The following ATP6V0D2 variants were observed in gnomAD, a reference collection of about 807,000 sequenced individuals.
ATP6V0D2 encodes ATPase H+ transporting V0 subunit d2.
In ATP6V0D2, 40 loss-of-function variants were observed where a neutral mutation model predicts 40.0. That is an observed-to-expected ratio of 1.00 (90% CI 0.78 to 1.30). The LOEUF is 1.30. Among genes scored for constraint, ATP6V0D2 ranks in the 50% most tolerant of loss-of-function variants. The pLI, the probability that ATP6V0D2 is intolerant of heterozygous loss-of-function variation, is 0.00. For missense variants in ATP6V0D2, 470 were observed against 423.1 expected (o/e 1.11, Z -0.97); for synonymous variants, 179 against 156.3 (o/e 1.15, Z -1.08).
intron 1 of ATP6V0D2, among the ~76,000 whole-genome samples, chr8:86,111,977 T>C (rs1200667490): frequency 2.6e-5 from 4 of 152,234 alleles, no homozygotes; most frequent in Non-Finnish European, 5.9e-5. Context: ...ATATTTCTGG[T>C]CTATCTTTGG....
intron 1 of ATP6V0D2, among the ~76,000 whole-genome samples, chr8:86,103,638 T>C (rs1182907171): frequency 6.6e-6 from 1 of 152,074 alleles, no homozygotes; most frequent in Non-Finnish European, 1.5e-5. Flanking sequence ...ATAGAGTCCC[T>C]GCCCTAAAAA....
At chr8:86,102,139 A>G (rs1482872063) in intron 1 of ATP6V0D2, among the ~76,000 whole-genome samples, 24 of 152,172 alleles carry the variant, frequency 1.6e-4, no homozygotes, top group Non-Finnish European at 5.9e-5. Flanking sequence ...TATAAATTGA[A>G]GATATATGAA....
chr8:86,148,714 A>T (rs767567716), intron 5 of ATP6V0D2, among the ~76,000 whole-genome samples: 31 of 152,130 alleles, frequency 2.0e-4, no homozygotes, highest in Admixed American at 1.4e-3. Flanking sequence ...GTAGGATCAC[A>T]CATCACTCTG....
chr8:86,145,253 GAGAGAAAGAAAGAAAGAA>G (rs1410876166), intron 5 of ATP6V0D2, among the ~76,000 whole-genome samples: 3 of 45,044 alleles, frequency 6.7e-5, no homozygotes, highest in African/African-American at 4.0e-4. Flanking sequence ...GAGAGAGAGA[GAGAGAAAGAAAGAAAGAA>G]AGAAAGAAAG....
chr8:86,108,881 G>T (rs1290378189), intron 1 of ATP6V0D2, among the ~76,000 whole-genome samples: 1 of 152,128 alleles, frequency 6.6e-6, no homozygotes, highest in African/African-American at 2.4e-5. Flanking sequence ...TTATGACTCA[G>T]TGCATACATT....
At chr8:86,106,843 T>A (rs1818474506) in intron 1 of ATP6V0D2, among the ~76,000 whole-genome samples, 4 of 152,132 alleles carry the variant, frequency 2.6e-5, no homozygotes, top group African/African-American at 9.7e-5. Context: ...CTCATTTATG[T>A]GGCAAAAAAA....
Position 86,099,724 on chromosome 8 carries a change from C to A in ATP6V0D2, c.130+616C>A, listed in dbSNP as rs202155320. On this transcript the variant is annotated intron_variant, in intron 1 of 7. Coordinates refer to ENST00000285393, the MANE Select transcript of ATP6V0D2 (RefSeq NM_152565.1). The stretch of plus-strand genomic sequence containing the variant: ...GGCCAGGCTGGTCTTGAACTCCTGA[C>A]CTCAGGTGATCCGACTGCCTTGGCC... 2.6e-5 allele frequency among the ~76,000 whole-genome samples: 4 copies of A among 152,158 alleles called. No homozygotes were observed. In the East Asian group the frequency reaches 7.7e-4, roughly 29 times the overall value.
At chr8:86,116,816 G>A (rs2130242752) in intron 2 of ATP6V0D2, among the ~76,000 whole-genome samples, 1 of 152,184 alleles carries the variant, frequency 6.6e-6, no homozygotes, top group African/African-American at 2.4e-5. Flanking sequence ...CTCAACAAAG[G>A]TAGCACCAAT....
At chr8:86,136,453 T>C (rs1371189427) in intron 2 of ATP6V0D2, among the ~76,000 whole-genome samples, 2 of 152,102 alleles carry the variant, frequency 1.3e-5, no homozygotes, top group African/African-American at 4.8e-5. Context: ...CTGCTAAGCA[T>C]TATTAAGTAC....
At chr8:86,145,403 GAAA>G (rs1306600773) in intron 5 of ATP6V0D2, among the ~76,000 whole-genome samples, 6 of 151,710 alleles carry the variant, frequency 4.0e-5, no homozygotes, top group African/African-American at 1.5e-4. Context: ...GAAAAGAAAA[GAAA>G]AGAAAAGAAA....
rs538033090 is a variant in ATP6V0D2 at position 86,148,036 on chromosome 8, C to G, written c.640-2076C>G. Among the ~76,000 whole-genome samples, 3 of 152,304 alleles carry G rather than the reference C, an allele frequency of 2.0e-5. No homozygotes were observed. The East Asian group carries it at 5.8e-4, about 29-fold the overall frequency. On this transcript the variant is annotated intron_variant, in intron 5 of 7. Transcript: ENST00000285393. ...CATCCTGCTTTGTCTCCTGCAGCTC[C>G]CTCTTCTGGCCTGGACTCTGCTGTT...
intron 2 of ATP6V0D2, among the ~76,000 whole-genome samples, chr8:86,118,081 C>CTTTTTTTTTTTTTTTT (rs1554587902): frequency 1.9e-5 from 1 of 52,152 alleles, no homozygotes; most frequent in Non-Finnish European, 4.2e-5. Context: ...TTCTTTCTTT[C>CTTTTTTTTTTTTTTTT]TTTCTTTTTT....
intron 2 of ATP6V0D2, among the ~76,000 whole-genome samples, chr8:86,120,942 A>C (rs996466779): frequency 6.6e-6 from 1 of 152,154 alleles, no homozygotes; most frequent in Non-Finnish European, 1.5e-5. Flanking sequence ...CTACTTCAGT[A>C]GATTCTGATC....
chr8:86,140,311 G>A (rs990210097), intron 3 of ATP6V0D2, among the ~76,000 whole-genome samples: 3 of 151,946 alleles, frequency 2.0e-5, no homozygotes, highest in African/African-American at 7.3e-5. Flanking sequence ...TGCTGTTTAA[G>A]ATAGATATTT....
chr8:86,139,548 T>C lies in ATP6V0D2; in HGVS notation c.394T>C (p.Leu132=), dbSNP rs1818945729. 1 of 1,613,732 alleles carries C rather than the reference T, an allele frequency of 6.2e-7. No individual in the cohort carries two copies. The highest frequency in any genetic ancestry group is 1.1e-5 in the South Asian group (1 of 91,056). Residue 132 remains leucine, a synonymous_variant, in exon 3 of 8, where the codon TTG becomes CTG. Coordinates refer to ENST00000285393, the MANE Select transcript of ATP6V0D2 (RefSeq NM_152565.1). ...VKEILGKCHP[L]GRFTEMEAVN... is the part of the protein sequence containing the mutation. ...AGAAATTCTGGGGAAGTGCCACCCC[T>C]TGGGCCGTTTCACAGAAATGGAAGC...
chr8:86,149,619 A>G (rs949047566), intron 5 of ATP6V0D2, among the ~76,000 whole-genome samples: 1 of 152,218 alleles, frequency 6.6e-6, no homozygotes, highest in Non-Finnish European at 1.5e-5. Flanking sequence ...AATGGTAGGT[A>G]GCACAACATT....
At chr8:86,143,397 A>G (rs1819003869) in intron 5 of ATP6V0D2, among the ~76,000 whole-genome samples, 1 of 152,176 alleles carries the variant, frequency 6.6e-6, no homozygotes, top group Non-Finnish European at 1.5e-5. Flanking sequence ...TAAAGGAGTA[A>G]AAGCATGGCT....
chr8:86,113,150 T>C (rs12677686), intron 1 of ATP6V0D2, among the ~76,000 whole-genome samples: 127,026 of 150,768 alleles, frequency 0.84, 53,704 homozygotes, highest in African/African-American at 0.88. Flanking sequence ...TTTTTTCAGA[T>C]CTGCTAAATA....
At chr8:86,126,348 T>G (rs1247160460) in intron 2 of ATP6V0D2, among the ~76,000 whole-genome samples, 1 of 149,844 alleles carries the variant, frequency 6.7e-6, no homozygotes, top group African/African-American at 2.4e-5. Flanking sequence ...CTTGGTGGTT[T>G]GCTGCACAGA....
Sources: gnomAD v4.1 joint callset for allele counts (sites outside exome capture counted in the v4.1 genomes callset) on GRCh38, gnomAD v4.1.1 for gene constraint, MANE v1.5 for transcripts, NCBI Gene and HGNC (gene_info 2026-07-23, HGNC 2026-07-21) for gene names.